Variants in ATP2B3 observed in about 807,000 individuals in gnomAD.
ATP2B3 encodes plasma membrane calcium-transporting ATPase 3.
ATP2B3 carries 12 observed loss-of-function variants against 70.8 expected under a neutral mutation model. The observed-to-expected ratio is 0.17, with a 90% CI of 0.11 to 0.27. The LOEUF (loss-of-function observed/expected upper bound fraction) is 0.27. Among genes scored for constraint, ATP2B3 ranks in the 10% least tolerant of loss-of-function variants. The pLI, the probability that ATP2B3 is intolerant of heterozygous loss-of-function variation, is 1.00. For missense variants in ATP2B3, 858 were observed against 1,118.5 expected (o/e 0.77, Z 3.32); for synonymous variants, 460 against 497.8 (o/e 0.92, Z 1.01).
In ATP2B3 at chrX:153,582,085, A is replaced by G. The variant is rs2090927366; in HGVS notation, c.*1787A>G. 9.0e-6 allele frequency: 1 copy of G among 111,634 alleles called. No individual in the cohort carries two copies. The highest frequency in any genetic ancestry group is 3.3e-5 in the African/African-American group (1 of 30,675). The allele number at this position is 111,634 out of a possible 1,213,427, so 9.2% of individuals were successfully genotyped here. ...CTGAGGGACAGAGGATCGGAATGGA[A>G]ACCACCAACGTGCACTGGCACCCTC... On this transcript the variant is annotated 3_prime_UTR_variant, in exon 22 of 22. Coordinates refer to ENST00000263519, the MANE Select transcript of ATP2B3 (RefSeq NM_001001344.3).
chrX:153,562,287 G>T, intron 20 of ATP2B3, 45 bp downstream of exon 20: 1 of 1,133,479 alleles, frequency 8.8e-7, no homozygotes. Context: ...CCTGCAGACA[G>T]CTTCTGTGAT....
intron 2 of ATP2B3, among the ~76,000 whole-genome samples, chrX:153,522,450 G>A (rs928490837): frequency 2.7e-5 from 3 of 112,081 alleles, no homozygotes; most frequent in South Asian, 3.7e-4. Flanking sequence ...CTGAGTCCCC[G>A]CCCATCCTGC....
Position 153,543,086 on chromosome X carries a change from C to T in ATP2B3, c.834C>T (p.Ala278=), listed in dbSNP as rs782744724. Residue 278 remains alanine, a synonymous_variant, in exon 7 of 22, where the codon GCC becomes GCT. Transcript: ENST00000263519. ...MEGSGRMVVT[A]VGVNSQTGII... is the part of the protein sequence containing the mutation. ...GTTCTGGAAGAATGGTGGTGACCGC[C>T]GTTGGCGTGAATTCCCAGACAGGCA... The T allele has an allele frequency of 5.0e-6, 6 of 1,211,998 alleles. No individual in the cohort carries two copies. The East Asian group carries it at 8.9e-5, about 18-fold the overall frequency.
chrX:153,546,168 C>A (rs1557008653), intron 8 of ATP2B3, 39 bp downstream of exon 8: 1 of 1,206,750 alleles, frequency 8.3e-7, no homozygotes, highest in Admixed American at 2.2e-5. Context: ...AAGCTTGGAG[C>A]CCTGGGGGTG....
At chrX:153,548,879 A>G (rs1557010032) in intron 10 of ATP2B3, 25 bp downstream of exon 10, 3 of 1,188,109 alleles carry the variant, frequency 2.5e-6, no homozygotes, top group Middle Eastern at 2.4e-4. Flanking sequence ...TACAGTTGAT[A>G]CTGTTTACAG....
Position 153,547,981 on chromosome X carries a change from G to A in ATP2B3, c.1105G>A (p.Val369Met), listed in dbSNP as rs782608891. 3.7e-5 allele frequency: 45 copies of A among 1,204,179 alleles called. No homozygotes were observed. Among genetic ancestry groups the A allele is most frequent in the Non-Finnish European group, 4.8e-5 (43 of 891,695 alleles). Residue 369 changes from valine (V) to methionine (M), a missense_variant, in exon 9 of 22, where the codon GTG becomes ATG. Val to Met is a conservative substitution (Grantham distance 21). This residue lies in a region of ATP2B3 where 278 missense variants were observed against 366.2 expected (regional missense o/e 0.76). Transcript: ENST00000263519. ...TCAGGGGAAGCTCACAAAGCTAGCC[G>A]TGCAGATCGGGAAAGCAGGTAGGGA... Reference protein sequence around the residue: ...VLQGKLTKLAVQIGKAGLVMS... With the variant: ...VLQGKLTKLAMQIGKAGLVMS...
chrX:153,548,597 C>A (rs375704566), intron 9 of ATP2B3, 43 bp from the exon 10 acceptor site: 2 of 1,123,251 alleles, frequency 1.8e-6, no homozygotes, highest in African/African-American at 3.6e-5. Flanking sequence ...CTCCTTCCCT[C>A]ACCCGTGGCA....
intron 19 of ATP2B3, among the ~76,000 whole-genome samples, 192 bp downstream of exon 19, chrX:153,561,079 A>G (rs1228822139): frequency 9.0e-6 from 1 of 111,489 alleles, no homozygotes; most frequent in Non-Finnish European, 1.9e-5. Flanking sequence ...TCTTCCAAAC[A>G]TTGCCGGCCT....
At position 153,565,080 on chromosome X, in the gene ATP2B3, G is replaced by A; in HGVS notation, c.3319G>A (p.Gly1107Ser). 3 of 1,190,367 alleles carry A rather than the reference G, an allele frequency of 2.5e-6. No homozygotes were observed. Among genetic ancestry groups the A allele is most frequent in the South Asian group, 3.7e-5 (2 of 54,050 alleles). ...LRRGQILWFRGLNRIQTQIRV... is the reference protein window; with the variant it reads ...LRRGQILWFRSLNRIQTQIRV... ...CAGGGGCCAGATCCTCTGGTTCCGG[G>A]GCCTGAACCGGATTCAGACGCAGGT... The change falls in exon 21 of 22, where the codon GGC (glycine) becomes AGC (serine). Residue 1107 changes from glycine (G) to serine (S), a missense_variant. Transcript: ENST00000263519.
chrX:153,522,451 C>T (rs1422654174), intron 2 of ATP2B3, among the ~76,000 whole-genome samples: 15 of 112,167 alleles, frequency 1.3e-4, no homozygotes, highest in African/African-American at 4.9e-4. Context: ...TGAGTCCCCG[C>T]CCATCCTGCC....
intron 17 of ATP2B3, 62 bp from the exon 18 acceptor site, chrX:153,559,667 T>C: frequency 1.8e-6 from 2 of 1,088,802 alleles, no homozygotes; most frequent in Non-Finnish European, 2.5e-6. Context: ...AGCTACTGGG[T>C]TTCCACCCCC....
At chrX:153,536,719 G>A (rs1057037965) in intron 3 of ATP2B3, among the ~76,000 whole-genome samples, 2 of 112,364 alleles carry the variant, frequency 1.8e-5, no homozygotes, top group African/African-American at 3.2e-5. Flanking sequence ...ACACACAGGC[G>A]GAATGGGCCC....
intron 7 of ATP2B3, among the ~76,000 whole-genome samples, chrX:153,543,979 C>G (rs979070017): frequency 8.9e-6 from 1 of 112,731 alleles, no homozygotes; most frequent in African/African-American, 3.2e-5. Context: ...AGTCAGGGCC[C>G]GGGGAAAAGG....
chrX:153,536,061 G>A lies in ATP2B3; in HGVS notation c.-126-61G>A, dbSNP rs2090186195. 4 of 477,041 alleles carry A rather than the reference G, an allele frequency of 8.4e-6. No individual in the cohort carries two copies. In the Middle Eastern group the frequency reaches 1.7e-3, roughly 202 times the overall value. The allele number at this position is 477,041 out of a possible 1,213,427, so 39.3% of individuals were successfully genotyped here. On this transcript the variant is annotated intron_variant, in intron 2 of 21. Coordinates refer to ENST00000263519, the MANE Select transcript of ATP2B3 (RefSeq NM_001001344.3). ...AAGATTTGCCGAGAATATTCTGGAA[G>A]ATGGGACCTCAGTTTTGTCTCAACC...
rs782813423 is a variant in ATP2B3, at chrX:153,541,727, C to T, written c.465C>T (p.Ile155=). 16 of 1,209,538 alleles carry T rather than the reference C, an allele frequency of 1.3e-5. No homozygotes were observed. Among genetic ancestry groups the T allele is most frequent in the South Asian group, 1.8e-5 (1 of 56,772 alleles). Residue 155 remains isoleucine (I), a synonymous_variant, in exon 5 of 22, where the codon ATC becomes ATT. Coordinates refer to ENST00000263519, the MANE Select transcript of ATP2B3 (RefSeq NM_001001344.3). ...EDEGEAEAGW[I]EGAAILLSVI... Reference sequence around the variant, plus strand: ...AGGGCGAGGCCGAAGCTGGCTGGATCGAGGGGGCTGCCATCCTGCTGTCCG... The same window carrying T: ...AGGGCGAGGCCGAAGCTGGCTGGATTGAGGGGGCTGCCATCCTGCTGTCCG...
At chrX:153,538,723 C>T (rs1557005209) in intron 3 of ATP2B3, among the ~76,000 whole-genome samples, 2 of 113,306 alleles carry the variant, frequency 1.8e-5, no homozygotes, top group Non-Finnish European at 1.9e-5. Flanking sequence ...CTGGACTGCC[C>T]TCGGGCCTGC....
Position 153,560,899 on chromosome X carries a change from G to T in ATP2B3, c.3051+12G>T. The T allele has an allele frequency of 8.3e-7, 1 of 1,210,523 alleles. No homozygotes were observed. The highest frequency in any genetic ancestry group is 1.1e-6 in the Non-Finnish European group (1 of 894,599). ...CTTTCGGGATTCAGGTAGGAGGGGC[G>T]GCTCCACTCTTGGCCTCTGCCACTT... On this transcript the variant is annotated intron_variant, in intron 19 of 21. Transcript: ENST00000263519.
In ATP2B3 at chrX:153,549,388, G is replaced by A. The variant is rs1557010280; in HGVS notation, c.1339-109G>A. The A allele has an allele frequency of 4.5e-5, 52 of 1,167,672 alleles. No homozygotes were observed. In the South Asian group the frequency reaches 4.5e-4, roughly 10 times the overall value. On this transcript the variant is annotated intron_variant, in intron 10 of 21. Transcript: ENST00000263519. ...GTGCCCAGTGGGCTTAGTGCCACAC[G>A]TGGAGCTAGCTGAGCAGAACAGAGT...
chrX:153,549,403 CAGAA>C (rs1557010295), intron 10 of ATP2B3, 90 bp from the exon 11 acceptor site: 2 of 1,179,321 alleles, frequency 1.7e-6, no homozygotes, highest in Non-Finnish European at 2.3e-6. Flanking sequence ...GCTAGCTGAG[CAGAA>C]CAGAGTCACG....
Sources: allele counts gnomAD v4.1 joint callset (sites outside exome capture counted in the v4.1 genomes callset), GRCh38; gene constraint gnomAD v4.1.1; regional missense constraint gnomAD v4.1.1; transcripts MANE v1.5; gene names NCBI Gene and HGNC (gene_info 2026-07-23, HGNC 2026-07-21).